The following TUT7 variants were observed in gnomAD, a reference collection of about 807,000 sequenced individuals.
TUT7 encodes terminal uridylyltransferase 7.
TUT7 carries 33 observed loss-of-function variants against 165.9 expected under a neutral mutation model. The ratio of observed to expected loss-of-function variants is 0.20; its 90% confidence interval spans 0.15 to 0.27. TUT7 has a LOEUF of 0.27. Ranked by LOEUF, TUT7 falls within the 10% of genes least tolerant of loss-of-function variation. The probability of loss-of-function intolerance (pLI) is 1.00; values close to 1 mark genes in which losing one functional copy is unlikely to be tolerated. For missense variants in TUT7, 1,338 were observed against 1,762.3 expected, an observed-to-expected ratio of 0.76 and a Z score of 4.31; for synonymous variants, 552 against 608.1, an observed-to-expected ratio of 0.91 and a Z score of 1.36.
chr9:86,289,089 G>T (rs1286716662), intron 26 of TUT7, among the ~76,000 whole-genome samples: 3 of 152,118 alleles, frequency 2.0e-5, no homozygotes, highest in Non-Finnish European at 4.4e-5. Flanking sequence ...AAACATAATA[G>T]ATTGCAAAGA....
At chr9:86,341,563 G>A (rs984943887) in intron 6 of TUT7, among the ~76,000 whole-genome samples, 2 of 152,020 alleles carry the variant, frequency 1.3e-5, no homozygotes, top group Non-Finnish European at 2.9e-5. Context: ...ACACAATTCG[G>A]CCAGTCAAGC....
rs368748794 is a variant in TUT7 at position 86,288,702 on chromosome 9, G to A, written c.4463C>T (p.Ala1488Val). The change falls in exon 27 of 27, where the codon GCG (alanine) becomes GTG (valine). Residue 1488 changes from alanine (A) to valine (V), a missense_variant. This residue lies in a region of TUT7 where 167 missense variants were observed against 204.9 expected (regional missense o/e 0.82). Transcript: ENST00000375963. ...TCATGATTCCTGCTGGGTCCTCTTC[G>A]CTGAGGCTTTTCCCTGAGTCATATA... is the stretch of plus-strand genomic sequence containing the variant. ...SKYMTQGKAS[A>V]KRTQQES is the part of the protein sequence containing the mutation. The A allele has an allele frequency of 7.4e-6, 12 of 1,613,520 alleles. No individual in the cohort carries two copies. The highest frequency in any genetic ancestry group is 6.7e-5 in the East Asian group (3 of 44,858).
In TUT7 at chr9:86,344,729, C is replaced by G. The variant is rs575572745; in HGVS notation, c.997+248G>C. ...AGAGTCCCACAGTGCCCCAATAATG[C>G]AGGGCATTCAACTTAAAGTTCACAC... is the stretch of plus-strand genomic sequence containing the variant. On this transcript the variant is annotated intron_variant, in intron 5 of 26. Transcript: ENST00000375963. The G allele has an allele frequency of 3.0e-4, 135 of 457,610 alleles. 1 individual carries two copies. Among genetic ancestry groups the G allele is most frequent in the African/African-American group, 2.3e-3 (113 of 49,070 alleles). 28.3% of individuals were successfully genotyped at this position (457,610 alleles called of 1,614,324 possible).
intron 12 of TUT7, 35 bp downstream of exon 12, chr9:86,325,299 G>C: frequency 6.3e-7 from 1 of 1,596,196 alleles, no homozygotes; most frequent in Non-Finnish European, 8.6e-7. Flanking sequence ...TTAAAAAAAA[G>C]AGTGGGGGGG....
rs1305924127 is a variant in TUT7 at position 86,310,897 on chromosome 9, T to A, written c.3275-88A>T. ...GTTAATGTTCCAATATAAAATGGTG[T>A]AAACCTAACTTTGGCCTGTTTCATT... On this transcript the variant is annotated intron_variant, in intron 17 of 26. Transcript: ENST00000375963. 3 of 756,718 alleles carry A rather than the reference T, an allele frequency of 4.0e-6. No homozygotes were observed. The African/African-American group carries it at 5.2e-5, about 13-fold the overall frequency. The allele number at this position is 756,718 out of a possible 1,614,324, so 46.9% of individuals were successfully genotyped here.
At chr9:86,341,107 CTGATA>C in intron 6 of TUT7, 54 bp from the exon 7 acceptor site, 1 of 1,483,282 alleles carries the variant, frequency 6.7e-7, no homozygotes, top group African/African-American at 1.4e-5. Flanking sequence ...TTTTGCTTCA[CTGATA>C]TAAGAGTCAT....
intron 10 of TUT7, among the ~76,000 whole-genome samples, chr9:86,329,787 T>C (rs142076784): frequency 6.6e-6 from 1 of 152,206 alleles, no homozygotes; most frequent in African/African-American, 2.4e-5. Flanking sequence ...GATCCTTCTA[T>C]CTTCTTGGCT....
chr9:86,291,572 CAA>C (rs969598470), intron 26 of TUT7, among the ~76,000 whole-genome samples: 13 of 48,072 alleles, frequency 2.7e-4, no homozygotes, highest in Non-Finnish European at 3.5e-4. Context: ...AACTCCATCT[CAA>C]AAAAAAAAAA....
chr9:86,330,665 T>G (rs906706217), intron 10 of TUT7, among the ~76,000 whole-genome samples: 17 of 152,154 alleles, frequency 1.1e-4, no homozygotes, highest in African/African-American at 4.1e-4. Flanking sequence ...TCTGCAAAGG[T>G]TTTTCCCTAG....
intron 26 of TUT7, among the ~76,000 whole-genome samples, chr9:86,292,751 G>A (rs1825994203): frequency 6.6e-6 from 1 of 151,906 alleles, no homozygotes; most frequent in African/African-American, 2.4e-5. Flanking sequence ...TCCTACCTGG[G>A]TGACAGAGTG....
At position 86,323,331 on chromosome 9, in the gene TUT7, C is replaced by T. The variant is rs781764595; in HGVS notation, c.2419G>A (p.Asp807Asn). 1 of 1,614,126 alleles carries T rather than the reference C, an allele frequency of 6.2e-7. No individual in the cohort carries two copies. Among genetic ancestry groups the T allele is most frequent in the Non-Finnish European group, 8.5e-7 (1 of 1,180,022 alleles). The change falls in exon 13 of 27, where the codon GAT (aspartate) becomes AAT (asparagine). Residue 807 changes from aspartate to asparagine, a missense_variant. Physicochemically the swap from Asp to Asn is conservative, Grantham distance 23. Transcript: ENST00000375963. ...AKECEGLATLDNKADLDGEST... is the reference protein window; with the variant it reads ...AKECEGLATLNNKADLDGEST... ...TCTCCATCAAGATCAGCCTTGTTAT[C>T]TAAAGTGGCAAGTCCCTCACACTCT...
chr9:86,305,599 A>G (rs1827391709), intron 22 of TUT7, among the ~76,000 whole-genome samples: 1 of 152,202 alleles, frequency 6.6e-6, no homozygotes, highest in African/African-American at 2.4e-5. Flanking sequence ...AAGACACATT[A>G]GCCTGATATT....
chr9:86,304,993 G>A, intron 23 of TUT7, 46 bp from the exon 24 acceptor site: 1 of 1,409,590 alleles, frequency 7.1e-7, no homozygotes, highest in Non-Finnish European at 9.9e-7. Flanking sequence ...AAAAGGAAAA[G>A]AGATTGTATT....
In TUT7 at chr9:86,353,040, T is replaced by C. The variant is rs1023869795; in HGVS notation, c.160A>G (p.Lys54Glu). ...CCATAGTTCCCTGGTGTTATCTTCT[T>C]TTTTTGAAGGCCCTTTTCCATTTTA... ...GSKMEKGLQK[K>E]KITPGNYGNT... Residue 54 changes from lysine to glutamate, a missense_variant, in exon 2 of 27, where the codon AAG (lysine) becomes GAG (glutamate). By Grantham distance (56) the Lys-to-Glu change is moderately conservative. This residue lies in a region of TUT7 where 434 missense variants were observed against 480.8 expected (regional missense o/e 0.90). Coordinates refer to ENST00000375963, the MANE Select transcript of TUT7 (RefSeq NM_024617.4). 1.9e-6 allele frequency: 3 copies of C among 1,614,208 alleles called. No homozygotes were observed. The highest frequency in any genetic ancestry group is 2.5e-6 in the Non-Finnish European group (3 of 1,180,042).
At position 86,337,860 on chromosome 9, in the gene TUT7, G is replaced by C. The variant is rs147214351; in HGVS notation, c.1336-322C>G. Among the ~76,000 whole-genome samples, 243 of 152,264 alleles carry C rather than the reference G, an allele frequency of 1.6e-3. 3 individuals carry two copies. In the South Asian group the frequency reaches 0.019, roughly 12 times the overall value. On this transcript the variant is annotated intron_variant, in intron 9 of 26. Transcript: ENST00000375963. Reference sequence around the variant, plus strand: ...TCATTTGTTTAGAATACATGTTAATGAATTAAAAACGATTGTTCAGTTACA... The same window carrying C: ...TCATTTGTTTAGAATACATGTTAATCAATTAAAAACGATTGTTCAGTTACA...
rs568971478 is a variant in TUT7, at chr9:86,350,202, G to A, written c.520+2478C>T. 3.6e-3 allele frequency among the ~76,000 whole-genome samples: 551 copies of A among 152,186 alleles called. 7 individuals carry two copies. The highest frequency in any genetic ancestry group is 9.9e-3 in the African/African-American group (409 of 41,522). Reference sequence around the variant, plus strand: ...AAAAATTAGCTAGGTGTGGTGGCACGTGCCTGTAGTCCCAGCCACTCAGGA... The same window carrying A: ...AAAAATTAGCTAGGTGTGGTGGCACATGCCTGTAGTCCCAGCCACTCAGGA... On this transcript the variant is annotated intron_variant, in intron 2 of 26. Coordinates refer to ENST00000375963, the MANE Select transcript of TUT7 (RefSeq NM_024617.4).
rs138744070 is a variant in TUT7 at position 86,311,855 on chromosome 9, C to T, written c.3275-1046G>A. Reference sequence around the variant, plus strand: ...CGGGCTGGTCTCCAGCTCCTAACCACGAGTGATCCGCCAGCCTTGGCCTCC... The same window carrying T: ...CGGGCTGGTCTCCAGCTCCTAACCATGAGTGATCCGCCAGCCTTGGCCTCC... On this transcript the variant is annotated intron_variant, in intron 17 of 26. Transcript: ENST00000375963. This position sits in a 1 kb window ranked among gnomAD's most constrained non-coding sequence, Gnocchi z 4.4. Among the ~76,000 whole-genome samples, 2,715 of 152,322 alleles carry T rather than the reference C, an allele frequency of 0.018. 84 individuals are homozygous for T. Among genetic ancestry groups the T allele is most frequent in the African/African-American group, 0.062 (2,570 of 41,564 alleles).
intron 26 of TUT7, among the ~76,000 whole-genome samples, chr9:86,300,683 G>A (rs1826800444): frequency 6.6e-6 from 1 of 152,212 alleles, no homozygotes; most frequent in South Asian, 2.1e-4. Context: ...GGATGGTGTT[G>A]TTAATGACTG....
chr9:86,301,818 T>C (rs1826936284), intron 25 of TUT7: 1 of 985,350 alleles, frequency 1.0e-6, no homozygotes, highest in Non-Finnish European at 1.2e-6. Flanking sequence ...ATTTTCAAAG[T>C]TGCTCTAGTG....
Sources: gnomAD v4.1 joint callset for allele counts (sites outside exome capture counted in the v4.1 genomes callset) on GRCh38, gnomAD v4.1.1 for gene constraint, gnomAD v4.1.1 regional missense constraint, Gnocchi (gnomAD v3.1) non-coding constraint, MANE v1.5 for transcripts, NCBI Gene and HGNC (gene_info 2026-07-23, HGNC 2026-07-21) for gene names.